The following GPC4 variants were observed in gnomAD, a reference collection of about 807,000 sequenced individuals.
The protein encoded by GPC4 is glypican 4, also known as glypican-4.
In GPC4, 10 loss-of-function variants were observed where a neutral mutation model predicts 35.0. The ratio of observed to expected loss-of-function variants is 0.29; its 90% CI spans 0.18 to 0.48. The LOEUF (loss-of-function observed/expected upper bound fraction) is 0.48. Ranked by LOEUF, GPC4 falls within the 20% of genes least tolerant of loss-of-function variation. The probability of loss-of-function intolerance (pLI) is 0.99; values close to 1 mark genes in which losing one functional copy is unlikely to be tolerated. For synonymous variants in GPC4, 167 were observed against 170.2 expected (o/e 0.98, Z 0.15); for missense variants, 322 against 451.3 (o/e 0.71, Z 2.60).
chrX:133,351,377 G>T (rs975418513), intron 1 of GPC4, among the ~76,000 whole-genome samples: 2 of 89,346 alleles, frequency 2.2e-5, no homozygotes, highest in Admixed American at 1.4e-4. Context: ...ACTGCCCCCC[G>T]CCACCAAGAA....
At chrX:133,412,484 A>C (rs2068817296) in intron 1 of GPC4, among the ~76,000 whole-genome samples, 1 of 111,991 alleles carries the variant, frequency 8.9e-6, no homozygotes, top group South Asian at 3.7e-4. Flanking sequence ...GTGGTCTTCC[A>C]AGGATTCCAG....
At chrX:133,374,337 A>G (rs2068624820) in intron 1 of GPC4, among the ~76,000 whole-genome samples, 2 of 111,600 alleles carry the variant, frequency 1.8e-5, no homozygotes, top group South Asian at 7.6e-4. Context: ...GGGCAGCAAA[A>G]ATTAAAGGAA....
At chrX:133,375,607 G>A (rs2068629798) in intron 1 of GPC4, among the ~76,000 whole-genome samples, 1 of 111,916 alleles carries the variant, frequency 8.9e-6, no homozygotes, top group Non-Finnish European at 1.9e-5. Context: ...CTTGTACTTG[G>A]GAATACCATA....
chrX:133,339,931 C>G (rs1235547039), intron 1 of GPC4, among the ~76,000 whole-genome samples: 1 of 111,756 alleles, frequency 8.9e-6, no homozygotes, highest in Non-Finnish European at 1.9e-5. Flanking sequence ...TGATGGTAAT[C>G]CTCAATCCTT....
At chrX:133,311,861 C>A (rs888849075) in intron 3 of GPC4, among the ~76,000 whole-genome samples, 1 of 112,048 alleles carries the variant, frequency 8.9e-6, no homozygotes, top group Admixed American at 9.5e-5. Flanking sequence ...CTTTGCCAGA[C>A]TGGAACAGAA....
At chrX:133,386,234 C>CAA (rs1297804504) in intron 1 of GPC4, among the ~76,000 whole-genome samples, 2 of 36,054 alleles carry the variant, frequency 5.5e-5, no homozygotes, top group African/African-American at 8.0e-5. Flanking sequence ...GACCCTGTCT[C>CAA]AAAAAAAAAA....
chrX:133,394,222 A>G (rs933003869), intron 1 of GPC4, among the ~76,000 whole-genome samples: 3 of 109,941 alleles, frequency 2.7e-5, no homozygotes, highest in Non-Finnish European at 5.7e-5. Context: ...GTGAGCCGAG[A>G]CTGCGCCACT....
intron 1 of GPC4, among the ~76,000 whole-genome samples, chrX:133,375,997 C>A (rs1481194952): frequency 2.7e-5 from 3 of 112,002 alleles, no homozygotes; most frequent in Non-Finnish European, 5.6e-5. Context: ...GAAATGGGCC[C>A]TCTTCAAATT....
chrX:133,395,288 T>C (rs890333976), intron 1 of GPC4, among the ~76,000 whole-genome samples: 2 of 111,652 alleles, frequency 1.8e-5, no homozygotes, highest in Non-Finnish European at 3.8e-5. Flanking sequence ...TCCTATTGAA[T>C]ATGATCAAAT....
At chrX:133,357,432 C>A (rs562750298) in intron 1 of GPC4, among the ~76,000 whole-genome samples, 1 of 106,775 alleles carries the variant, frequency 9.4e-6, no homozygotes, top group South Asian at 4.4e-4. Context: ...CTGTCACCCA[C>A]GCTGGAGTGC....
Position 133,305,760 on chromosome X carries a change from C to T in GPC4, c.1155+12G>A. On this transcript the variant is annotated intron_variant, in intron 6 of 8. Transcript: ENST00000370828. ...TGTCATTAAACACGGCCCTTCCTGC[C>T]AAAACGCTCACCAGTCGGTCCAAAC... 1 of 1,209,822 alleles carries T rather than the reference C, an allele frequency of 8.3e-7. No homozygotes were observed. The highest frequency in any genetic ancestry group is 1.1e-6 in the Non-Finnish European group (1 of 895,017).
intron 1 of GPC4, among the ~76,000 whole-genome samples, chrX:133,402,992 G>GT (rs1361221173): frequency 9.1e-6 from 1 of 110,217 alleles, no homozygotes; most frequent in African/African-American, 3.3e-5. Flanking sequence ...AACAGACAGC[G>GT]TAAGAAGTAG....
chrX:133,327,348 T>G (rs780570329), intron 2 of GPC4, among the ~76,000 whole-genome samples: 1 of 111,782 alleles, frequency 8.9e-6, no homozygotes, highest in African/African-American at 3.3e-5. Flanking sequence ...AGTTTTAATT[T>G]AAAACTTCTA....
intron 1 of GPC4, among the ~76,000 whole-genome samples, chrX:133,404,583 G>A (rs754455034): frequency 6.4e-5 from 6 of 93,861 alleles, no homozygotes; most frequent in African/African-American, 1.3e-4. Flanking sequence ...CAGAGGGGCC[G>A]GGCGTGGTGG....
At position 133,360,402 on chromosome X, in the gene GPC4, TTG is replaced by T. The variant is rs767207668; in HGVS notation, c.161-21063_161-21062del. Among the ~76,000 whole-genome samples, 219 of 111,556 alleles carry T rather than the reference TTG, an allele frequency of 2.0e-3. 1 individual carries two copies. Among genetic ancestry groups the T allele is most frequent in the Admixed American group, 3.8e-3 (40 of 10,444 alleles). ...AACATATGGAGAGGCTTTAAAATGGTTGTCTCTTTTATCACCTATTGATATAC... is the reference window on the plus strand; with the variant it reads ...AACATATGGAGAGGCTTTAAAATGGTTCTCTTTTATCACCTATTGATATAC... On this transcript the variant is annotated intron_variant, in intron 1 of 8. Coordinates refer to ENST00000370828, the MANE Select transcript of GPC4 (RefSeq NM_001448.3).
intron 1 of GPC4, among the ~76,000 whole-genome samples, chrX:133,380,907 T>C (rs1603089406): frequency 8.9e-6 from 1 of 112,132 alleles, no homozygotes; most frequent in African/African-American, 3.2e-5. Flanking sequence ...GGCTCAAATA[T>C]GCAGTGAGCC....
At chrX:133,329,159 C>T (rs2068407384) in intron 2 of GPC4, among the ~76,000 whole-genome samples, 1 of 112,091 alleles carries the variant, frequency 8.9e-6, no homozygotes, top group Non-Finnish European at 1.9e-5. Context: ...GACTGTATGA[C>T]CTTGCTTGGG....
chrX:133,345,631 G>C (rs2068488884), intron 1 of GPC4, among the ~76,000 whole-genome samples: 1 of 112,165 alleles, frequency 8.9e-6, no homozygotes, highest in African/African-American at 3.2e-5. Context: ...AACCAACTCA[G>C]CTGTTTCTGT....
chrX:133,354,601 G>A (rs1414046062), intron 1 of GPC4, among the ~76,000 whole-genome samples: 10 of 98,278 alleles, frequency 1.0e-4, no homozygotes, highest in Non-Finnish European at 1.8e-4. Context: ...TCGCTCTGTC[G>A]CCCAGGCCAG....
Sources: gnomAD v4.1 joint callset for allele counts (sites outside exome capture counted in the v4.1 genomes callset) on GRCh38, gnomAD v4.1.1 for gene constraint, MANE v1.5 for transcripts, NCBI Gene and HGNC (gene_info 2026-07-23, HGNC 2026-07-21) for gene names.